RASA2: variants seen among roughly 807,000 people sequenced by gnomAD.
The protein encoded by RASA2 is RAS p21 protein activator 2, also known as ras GTPase-activating protein 2.
RASA2 carries 155 observed loss-of-function variants against 118.2 expected under a neutral mutation model. The ratio of observed to expected loss-of-function variants is 1.31; its 90% CI spans 1.15 to 1.50. The LOEUF is 1.50. RASA2 is among the 40% of genes most tolerant of loss of function. The probability of loss-of-function intolerance (pLI) is 0.00; values close to 1 mark genes in which losing one functional copy is unlikely to be tolerated. For missense variants in RASA2, 1,016 were observed against 1,009.6 expected, an observed-to-expected ratio of 1.01 and a Z score of -0.09; for synonymous variants, 353 against 349.1, an observed-to-expected ratio of 1.01 and a Z score of -0.12.
chr3:141,533,361 G>A (rs888794361), intron 4 of RASA2, among the ~76,000 whole-genome samples: 13 of 152,298 alleles, frequency 8.5e-5, no homozygotes, highest in Non-Finnish European at 1.8e-4. Flanking sequence ...AGGGAGAGAT[G>A]CTTGTTTCCT....
At position 141,505,393 on chromosome 3, in the gene RASA2, A is replaced by T. The variant is rs117409136; in HGVS notation, c.134-6770A>T. Among the ~76,000 whole-genome samples the T allele has an allele frequency of 1.2e-3, 189 of 152,352 alleles. 7 individuals carry two copies. The East Asian group carries it at 0.024, about 20-fold the overall frequency. ...GCAAGGTACAGTAGAAACACATGGG[A>T]AAGAGTGACATGACTACATAGGAAT... On this transcript the variant is annotated intron_variant, in intron 1 of 23. Coordinates refer to ENST00000286364, the MANE Select transcript of RASA2 (RefSeq NM_006506.5).
chr3:141,590,405 A>G (rs193234052), intron 19 of RASA2, among the ~76,000 whole-genome samples: 86 of 152,262 alleles, frequency 5.6e-4, no homozygotes, highest in African/African-American at 1.8e-3. Flanking sequence ...ATAATATAAC[A>G]CCTTATTCCC....
chr3:141,609,754 T>G, intron 22 of RASA2, 123 bp from the exon 23 acceptor site: 3 of 929,582 alleles, frequency 3.2e-6, no homozygotes, highest in Non-Finnish European at 4.7e-6. Flanking sequence ...ATTTTAGTTA[T>G]CTCGGCTCTG....
chr3:141,532,246 T>C (rs554681824), intron 4 of RASA2, among the ~76,000 whole-genome samples: 1 of 152,074 alleles, frequency 6.6e-6, no homozygotes, highest in Non-Finnish European at 1.5e-5. Flanking sequence ...CCAAAAGAGA[T>C]CTGTCTGATT....
rs758562312 is a variant in RASA2 at position 141,609,961 on chromosome 3, C to T, written c.2414C>T (p.Thr805Ile). The change falls in exon 23 of 24, where the codon ACA becomes ATA. Residue 805 changes from threonine to isoleucine, a missense_variant. Thr to Ile is a moderately conservative substitution (Grantham distance 89). Coordinates refer to ENST00000286364, the MANE Select transcript of RASA2 (RefSeq NM_006506.5). ...YSNFVIEDSVTTFKTIQQIKS... is the reference protein window; with the variant it reads ...YSNFVIEDSVITFKTIQQIKS... The stretch of plus-strand genomic sequence containing the variant: ...AACTTTGTAATCGAGGATTCTGTAA[C>T]AACCTTTAAGACAATTCAGCAAATA... 2 of 1,606,328 alleles carry T rather than the reference C, an allele frequency of 1.2e-6. No homozygotes were observed. The highest frequency in any genetic ancestry group is 4.5e-5 in the East Asian group (2 of 44,364).
At position 141,553,847 on chromosome 3, in the gene RASA2, T is replaced by C. The variant is rs2082608583; in HGVS notation, c.528-10T>C. 6.2e-7 allele frequency: 1 copy of C among 1,603,766 alleles called. No homozygotes were observed. On this transcript the variant is annotated splice_polypyrimidine_tract_variant and intron_variant, in intron 5 of 23. Coordinates refer to ENST00000286364, the MANE Select transcript of RASA2 (RefSeq NM_006506.5). ...ATCTAATATGTTAAATCTCTTTTAT[T>C]CTACCTTAGCATCAAGGCATGCCAT...
chr3:141,491,821 C>G (rs948961239), intron 1 of RASA2, among the ~76,000 whole-genome samples: 3 of 152,200 alleles, frequency 2.0e-5, no homozygotes, highest in African/African-American at 4.8e-5. Flanking sequence ...AAGAAAATCT[C>G]ATATTCATAC....
rs1201414050 is a variant in RASA2 at position 141,615,127 on chromosome 3, T to C, written c.*2814T>C. ...TATTATCTGCTTCCATTTTTATTAA[T>C]TTGGAAATTAATATGTTGCTAGTAA... is the stretch of plus-strand genomic sequence containing the variant. On this transcript the variant is annotated 3_prime_UTR_variant, in exon 24 of 24. Coordinates refer to ENST00000286364, the MANE Select transcript of RASA2 (RefSeq NM_006506.5). 6.6e-6 allele frequency: 1 copy of C among 152,222 alleles called. No homozygotes were observed. Among genetic ancestry groups the C allele is most frequent in the Non-Finnish European group, 1.5e-5 (1 of 68,042 alleles). The allele number at this position is 152,222 out of a possible 1,614,324, so 9.4% of individuals were successfully genotyped here. A position where few individuals can be genotyped will look rare whatever the true frequency, so the allele number is the denominator to read the frequency against.
chr3:141,611,831 T>G (rs2107805951), intron 23 of RASA2, among the ~76,000 whole-genome samples: 1 of 152,314 alleles, frequency 6.6e-6, no homozygotes, highest in Middle Eastern at 3.4e-3. Flanking sequence ...TGTATTAATG[T>G]AATTGGTTCT....
At chr3:141,557,481 A>G (rs142312996) in intron 7 of RASA2, among the ~76,000 whole-genome samples, 84 of 152,328 alleles carry the variant, frequency 5.5e-4, no homozygotes, top group Admixed American at 2.0e-3. Context: ...GTGAGTACTG[A>G]TTTTACTGGG....
chr3:141,549,530 C>G (rs966780844), intron 5 of RASA2, among the ~76,000 whole-genome samples: 1 of 150,350 alleles, frequency 6.7e-6, no homozygotes, highest in African/African-American at 2.5e-5. Flanking sequence ...ATTCTCCAGT[C>G]AGCACTCTCC....
chr3:141,586,504 G>A (rs112556996), intron 18 of RASA2, 142 bp from the exon 19 acceptor site: 8 of 557,088 alleles, frequency 1.4e-5, no homozygotes, highest in African/African-American at 1.3e-4. Context: ...AAATGCAACA[G>A]TCATGGATAG....
At chr3:141,568,299 A>G (rs1321520881) in intron 9 of RASA2, among the ~76,000 whole-genome samples, 2 of 152,146 alleles carry the variant, frequency 1.3e-5, no homozygotes, top group Non-Finnish European at 2.9e-5. Context: ...GTAGAATATG[A>G]TAACATTTTT....
intron 20 of RASA2, 36 bp downstream of exon 20, chr3:141,607,796 A>G: frequency 1.3e-6 from 2 of 1,537,030 alleles, no homozygotes; most frequent in Non-Finnish European, 1.7e-6. Context: ...AGCTTTCTGA[A>G]CTGCATATAT....
At chr3:141,504,380 T>A (rs768555119) in intron 1 of RASA2, among the ~76,000 whole-genome samples, 4 of 152,218 alleles carry the variant, frequency 2.6e-5, no homozygotes, top group Non-Finnish European at 4.4e-5. Flanking sequence ...TCAGATTTAA[T>A]ATTCAATACA....
chr3:141,569,909 T>C (rs996996804), intron 9 of RASA2, among the ~76,000 whole-genome samples: 6 of 152,144 alleles, frequency 3.9e-5, no homozygotes, highest in Non-Finnish European at 7.3e-5. Flanking sequence ...TCTGCATTAA[T>C]TCGCATAGGG....
At chr3:141,493,708 A>G (rs1351449593) in intron 1 of RASA2, among the ~76,000 whole-genome samples, 2 of 152,214 alleles carry the variant, frequency 1.3e-5, no homozygotes, top group Non-Finnish European at 2.9e-5. Context: ...TAATATGAAC[A>G]CTTGGTACAA....
At chr3:141,586,464 A>G (rs560563992) in intron 18 of RASA2, among the ~76,000 whole-genome samples, 182 bp from the exon 19 acceptor site, 1 of 152,316 alleles carries the variant, frequency 6.6e-6, no homozygotes, top group East Asian at 1.9e-4. Context: ...AAATTAATTA[A>G]AGACCTTATT....
At chr3:141,595,590 T>C (rs1402300736) in intron 19 of RASA2, among the ~76,000 whole-genome samples, 2 of 152,220 alleles carry the variant, frequency 1.3e-5, no homozygotes, top group African/African-American at 4.8e-5. Context: ...AAATAGGACA[T>C]CTACAATTCT....
Sources: allele counts gnomAD v4.1 joint callset (sites outside exome capture counted in the v4.1 genomes callset), GRCh38; gene constraint gnomAD v4.1.1; transcripts MANE v1.5; gene names NCBI Gene and HGNC (gene_info 2026-07-23, HGNC 2026-07-21).